The following ARHGEF28 variants were observed in gnomAD, a reference collection of about 807,000 sequenced individuals.
The protein encoded by ARHGEF28 is Rho guanine nucleotide exchange factor 28.
Under a neutral mutation model 206.6 loss-of-function variants are expected in ARHGEF28, and 152 were observed. The observed-to-expected ratio is 0.74, with a 90% confidence interval of 0.64 to 0.84. The LOEUF (loss-of-function observed/expected upper bound fraction) is 0.84. Ranked by LOEUF, ARHGEF28 falls within the 40% of genes least tolerant of loss-of-function variation. The pLI is 0.00. For synonymous variants in ARHGEF28, 763 were observed against 776.4 expected (o/e 0.98, Z 0.29); for missense variants, 2,028 against 2,073.2 (o/e 0.98, Z 0.42).
At chr5:73,696,145 T>C (rs577255471) in intron 2 of ARHGEF28, among the ~76,000 whole-genome samples, 1 of 152,322 alleles carries the variant, frequency 6.6e-6, no homozygotes, top group South Asian at 2.1e-4. Context: ...TGGATTGAGT[T>C]TCTGGAGAAT....
At chr5:73,886,794 G>A (rs1339116308) in intron 25 of ARHGEF28, among the ~76,000 whole-genome samples, 1 of 152,204 alleles carries the variant, frequency 6.6e-6, no homozygotes, top group Non-Finnish European at 1.5e-5. Context: ...TTATCACTGT[G>A]AGGATGAAAC....
chr5:73,933,939 TCA>T (rs1371210000), intron 35 of ARHGEF28, among the ~76,000 whole-genome samples: 5 of 150,678 alleles, frequency 3.3e-5, no homozygotes, highest in African/African-American at 1.2e-4. Flanking sequence ...TTTTTCCCCC[TCA>T]GTTTGTTTGA....
chr5:73,755,144 T>C (rs1302372326), intron 4 of ARHGEF28, among the ~76,000 whole-genome samples: 1 of 151,494 alleles, frequency 6.6e-6, no homozygotes, highest in Non-Finnish European at 1.5e-5. Flanking sequence ...ATAGATGACA[T>C]GTATGATCTA....
rs746333952 is a variant in ARHGEF28 at position 73,773,871 on chromosome 5, A to G, written c.492A>G (p.Glu164=). ...CCTCTTCAGTATCTTCTCACAGAGA[A>G]TCTCTTCTACACCTGGCTATGAGAT... ...SSSLEVSSHR[E]SLLHLAMRWG... is the part of the protein sequence containing the mutation. The change falls in exon 5 of 36, where the codon GAA becomes GAG. Residue 164 remains glutamate, a synonymous_variant. Coordinates refer to ENST00000513042, the MANE Select transcript of ARHGEF28 (RefSeq NM_001177693.2). 7 of 1,603,404 alleles carry G rather than the reference A, an allele frequency of 4.4e-6. No individual in the cohort carries two copies. Among genetic ancestry groups the G allele is most frequent in the Non-Finnish European group, 6.0e-6 (7 of 1,175,240 alleles).
intron 9 of ARHGEF28, among the ~76,000 whole-genome samples, chr5:73,809,437 G>A (rs1356769739): frequency 6.6e-6 from 1 of 152,076 alleles, no homozygotes; most frequent in African/African-American, 2.4e-5. Context: ...CTTGGTTAGG[G>A]CCACTAACTG....
chr5:73,865,556 G>A (rs1300938096), intron 17 of ARHGEF28, among the ~76,000 whole-genome samples: 1 of 152,140 alleles, frequency 6.6e-6, no homozygotes, highest in African/African-American at 2.4e-5. Flanking sequence ...GTTGAGGGCT[G>A]TTTTGAAGGT....
At chr5:73,682,230 C>T (rs1747153820) in intron 1 of ARHGEF28, among the ~76,000 whole-genome samples, 1 of 152,158 alleles carries the variant, frequency 6.6e-6, no homozygotes. Context: ...AGGACCCTCA[C>T]TCATCTCTCA....
chr5:73,895,026 G>A (rs533717326), intron 29 of ARHGEF28, among the ~76,000 whole-genome samples: 26 of 152,250 alleles, frequency 1.7e-4, no homozygotes, highest in African/African-American at 6.3e-4. Context: ...AAGGGAGGGT[G>A]GGGTGAGCAG....
chr5:73,735,042 G>A (rs111419319), intron 2 of ARHGEF28, among the ~76,000 whole-genome samples: 35 of 152,052 alleles, frequency 2.3e-4, no homozygotes, highest in African/African-American at 7.2e-4. Flanking sequence ...CTGCGCTGCC[G>A]ACCTCACTGT....
intron 2 of ARHGEF28, among the ~76,000 whole-genome samples, chr5:73,708,396 C>T (rs766372876): frequency 6.6e-6 from 1 of 152,136 alleles, no homozygotes; most frequent in Non-Finnish European, 1.5e-5. Flanking sequence ...TCATTCCCAT[C>T]TTTGTGTCCA....
chr5:73,917,701 T>C (rs1763285671), intron 35 of ARHGEF28, among the ~76,000 whole-genome samples: 2 of 152,224 alleles, frequency 1.3e-5, no homozygotes, highest in Admixed American at 1.3e-4. Flanking sequence ...TCCAGTTTAA[T>C]TTGGACAAGC....
At chr5:73,686,943 CTAATA>C (rs1430705437) in intron 2 of ARHGEF28, among the ~76,000 whole-genome samples, 1 of 152,098 alleles carries the variant, frequency 6.6e-6, no homozygotes, top group African/African-American at 2.4e-5. Context: ...TATTAAAATA[CTAATA>C]TATTTTATCA....
At chr5:73,862,338 T>A (rs965648364) in intron 16 of ARHGEF28, among the ~76,000 whole-genome samples, 1 of 152,230 alleles carries the variant, frequency 6.6e-6, no homozygotes, top group Non-Finnish European at 1.5e-5. Context: ...GCTTTCCATT[T>A]GTTTGTATTT....
intron 35 of ARHGEF28, among the ~76,000 whole-genome samples, chr5:73,927,903 A>T (rs1580116960): frequency 1.3e-5 from 2 of 152,332 alleles, no homozygotes; most frequent in East Asian, 1.9e-4. Flanking sequence ...GATTATAATC[A>T]TTTACGAGTG....
intron 9 of ARHGEF28, among the ~76,000 whole-genome samples, chr5:73,828,714 C>CTCTT (rs1290564945): frequency 6.8e-6 from 1 of 147,790 alleles, no homozygotes; most frequent in Non-Finnish European, 1.5e-5. Context: ...CTGTCTCTTT[C>CTCTT]TCTTTCTTTC....
chr5:73,660,507 C>T lies in ARHGEF28; in HGVS notation c.-11-24334C>T, dbSNP rs565957035. ...GAATCACAAATGTCCTTAATGACAT[C>T]TAGAATGGTGAATTCTTTCCAGAGG... On this transcript the variant is annotated intron_variant, in intron 1 of 35. Transcript: ENST00000513042. Among the ~76,000 whole-genome samples the T allele has an allele frequency of 3.9e-5, 6 of 152,288 alleles. No individual in the cohort carries two copies. The East Asian group carries it at 7.7e-4, about 20-fold the overall frequency.
intron 10 of ARHGEF28, among the ~76,000 whole-genome samples, chr5:73,837,001 A>G (rs1275702237): frequency 1.3e-5 from 2 of 151,996 alleles, no homozygotes; most frequent in East Asian, 1.9e-4. Flanking sequence ...TGGACTTTCT[A>G]TTCTGTTCCA....
intron 23 of ARHGEF28, among the ~76,000 whole-genome samples, chr5:73,883,513 T>C (rs1761083254): frequency 6.6e-6 from 1 of 152,208 alleles, no homozygotes; most frequent in Admixed American, 6.5e-5. Flanking sequence ...CTTAGAAGTA[T>C]TGGAACTTCT....
chr5:73,932,832 A>G (rs796869445), intron 35 of ARHGEF28, among the ~76,000 whole-genome samples: 371 of 98,340 alleles, frequency 3.8e-3, no homozygotes, highest in East Asian at 0.014. Context: ...TTTTTGAGAC[A>G]GAGTTTCGCT....
Sources: gnomAD v4.1 joint callset for allele counts (sites outside exome capture counted in the v4.1 genomes callset) on GRCh38, gnomAD v4.1.1 for gene constraint, MANE v1.5 for transcripts, NCBI Gene and HGNC (gene_info 2026-07-23, HGNC 2026-07-21) for gene names.